The following NRXN3 variants were observed in gnomAD, a reference collection of about 807,000 sequenced individuals.
NRXN3 encodes neurexin 3.
NRXN3 carries 32 observed loss-of-function variants against 137.6 expected under a neutral mutation model. The ratio of observed to expected loss-of-function variants is 0.23; its 90% CI spans 0.18 to 0.31. The LOEUF is 0.31. Ranked by LOEUF, NRXN3 falls within the 10% of genes least tolerant of loss-of-function variation. The probability of loss-of-function intolerance (pLI) is 1.00; values close to 1 mark genes in which losing one functional copy is unlikely to be tolerated. For synonymous variants in NRXN3, 798 were observed against 784.5 expected (o/e 1.02, Z -0.29); for missense variants, 1,574 against 2,062.5 (o/e 0.76, Z 4.59).
At chr14:79,529,520 A>G (rs1325330865) in intron 16 of NRXN3, among the ~76,000 whole-genome samples, 1 of 152,248 alleles carries the variant, frequency 6.6e-6, no homozygotes, top group Non-Finnish European at 1.5e-5. Context: ...TTCCCTCACC[A>G]CATATGTGAG....
intron 16 of NRXN3, among the ~76,000 whole-genome samples, chr14:79,538,324 T>C (rs1601810583): frequency 6.6e-6 from 1 of 152,246 alleles, no homozygotes; most frequent in Non-Finnish European, 1.5e-5. Context: ...GTTTTGGCTT[T>C]TGTTGCCATT....
At chr14:78,890,655 CA>C in intron 10 of NRXN3, among the ~76,000 whole-genome samples, 1 of 151,794 alleles carries the variant, frequency 6.6e-6, no homozygotes. Context: ...TTTCCAGTTA[CA>C]AACATAAGTA....
chr14:78,245,905 A>G (rs1288702411), intron 2 of NRXN3, among the ~76,000 whole-genome samples: 2 of 152,180 alleles, frequency 1.3e-5, no homozygotes, highest in Non-Finnish European at 2.9e-5. Flanking sequence ...CCAGTCTACA[A>G]ACCATTTTGG....
intron 1 of NRXN3, among the ~76,000 whole-genome samples, chr14:78,172,358 G>A (rs557909526): frequency 3.9e-5 from 6 of 152,096 alleles, no homozygotes; most frequent in Non-Finnish European, 8.8e-5. Flanking sequence ...CTTCTGCATC[G>A]CCTTTCAAGT....
intron 15 of NRXN3, among the ~76,000 whole-genome samples, chr14:79,097,264 T>C (rs2050519392): frequency 6.6e-6 from 1 of 152,038 alleles, no homozygotes; most frequent in African/African-American, 2.4e-5. Context: ...CAGAAGCAAA[T>C]TTATTCTCAT....
chr14:78,468,541 G>A (rs180925938), intron 4 of NRXN3, among the ~76,000 whole-genome samples: 6 of 152,234 alleles, frequency 3.9e-5, no homozygotes, highest in Admixed American at 1.3e-4. Context: ...TAAGTGCAAG[G>A]TCTCTTTAGG....
intron 8 of NRXN3, among the ~76,000 whole-genome samples, chr14:78,794,604 ATT>A (rs869187391): frequency 6.9e-6 from 1 of 145,692 alleles, no homozygotes; most frequent in Non-Finnish European, 1.5e-5. Context: ...TGTCTATTCT[ATT>A]TGTGTGTGTG....
At chr14:78,177,098 G>A (rs963682458) in intron 1 of NRXN3, among the ~76,000 whole-genome samples, 2 of 152,166 alleles carry the variant, frequency 1.3e-5, no homozygotes, top group Admixed American at 1.3e-4. Context: ...GTCCAGCAGA[G>A]GCTCCATTCA....
chr14:79,379,651 T>A (rs1376912969), intron 15 of NRXN3, among the ~76,000 whole-genome samples: 1 of 152,104 alleles, frequency 6.6e-6, no homozygotes, highest in African/African-American at 2.4e-5. Flanking sequence ...GCCACTGATG[T>A]CAGCTCTCAC....
intron 15 of NRXN3, among the ~76,000 whole-genome samples, chr14:79,269,831 C>T (rs943826020): frequency 1.4e-4 from 21 of 152,040 alleles, no homozygotes; most frequent in African/African-American, 5.1e-4. Context: ...AAAATAGAAA[C>T]ATAAAATTGT....
At chr14:78,504,929 G>C (rs4903776) in intron 4 of NRXN3, among the ~76,000 whole-genome samples, 63,373 of 151,912 alleles carry the variant, frequency 0.42, 13,418 homozygotes, top group East Asian at 0.5. Context: ...ACAGCTCTTA[G>C]ACCCACCCCT....
At chr14:78,728,627 GT>G (rs2152892477) in intron 8 of NRXN3, among the ~76,000 whole-genome samples, 1 of 152,312 alleles carries the variant, frequency 6.6e-6, no homozygotes, top group East Asian at 1.9e-4. Context: ...GAGGTGCACA[GT>G]GGCTCATGCC....
chr14:78,335,017 C>T (rs1294560497), intron 4 of NRXN3, among the ~76,000 whole-genome samples: 1 of 152,106 alleles, frequency 6.6e-6, no homozygotes, highest in African/African-American at 2.4e-5. Flanking sequence ...GGGGATACCC[C>T]TCACTTCATA....
chr14:78,612,551 T>C (rs181394092), intron 4 of NRXN3, among the ~76,000 whole-genome samples: 5 of 152,314 alleles, frequency 3.3e-5, no homozygotes, highest in Admixed American at 1.3e-4. Flanking sequence ...AAATTTTGTA[T>C]GGATAAGGCA....
At chr14:79,473,457 A>T (rs1430681396) in intron 16 of NRXN3, among the ~76,000 whole-genome samples, 1 of 152,076 alleles carries the variant, frequency 6.6e-6, no homozygotes, top group African/African-American at 2.4e-5. Context: ...TATGTGGGAT[A>T]TTTACAGTAA....
At chr14:78,420,847 A>T (rs1282289632) in intron 4 of NRXN3, among the ~76,000 whole-genome samples, 1 of 152,208 alleles carries the variant, frequency 6.6e-6, no homozygotes, top group Non-Finnish European at 1.5e-5. Context: ...TGAGGATCTT[A>T]CAAGTGGGTT....
chr14:79,572,298 T>A (rs1567542051), intron 16 of NRXN3, among the ~76,000 whole-genome samples: 1 of 152,198 alleles, frequency 6.6e-6, no homozygotes, highest in African/African-American at 2.4e-5. Context: ...CTCAATAAAA[T>A]CTAAGATACC....
intron 8 of NRXN3, among the ~76,000 whole-genome samples, chr14:78,731,095 G>A (rs771466031): frequency 2.4e-4 from 37 of 151,940 alleles, no homozygotes; most frequent in Non-Finnish European, 4.9e-4. Context: ...CTTATGTGGA[G>A]AACATGGTTG....
chr14:79,604,713 C>T (rs1383279502), intron 16 of NRXN3, among the ~76,000 whole-genome samples: 4 of 152,136 alleles, frequency 2.6e-5, no homozygotes, highest in African/African-American at 9.7e-5. Context: ...AGAGCAGAAG[C>T]TCTTTCTTCA....
Sources: allele counts gnomAD v4.1 joint callset (sites outside exome capture counted in the v4.1 genomes callset), GRCh38; gene constraint gnomAD v4.1.1; transcripts MANE v1.5; gene names NCBI Gene and HGNC (gene_info 2026-07-23, HGNC 2026-07-21).